Variants in AHNAK2 observed in about 807,000 individuals in gnomAD.
AHNAK2 encodes the protein AHNAK nucleoprotein 2, also known as protein AHNAK2.
Under a neutral mutation model 30.7 loss-of-function variants are expected in AHNAK2, and 18 were observed. The observed-to-expected ratio is 0.59, with a 90% CI of 0.41 to 0.87. The LOEUF (loss-of-function observed/expected upper bound fraction) is 0.87. AHNAK2 is among the 40% of genes least tolerant of loss of function. AHNAK2 has a pLI of 0.00. For synonymous variants in AHNAK2, 3,590 were observed against 3,073.8 expected (o/e 1.17, Z -5.56); for missense variants, 8,604 against 7,373.0 (o/e 1.17, Z -6.11).
intron 1 of AHNAK2, among the ~76,000 whole-genome samples, chr14:104,958,515 A>C (rs1391454770): frequency 6.6e-6 from 1 of 152,216 alleles, no homozygotes; most frequent in African/African-American, 2.4e-5. Flanking sequence ...AATGGAAAAT[A>C]TGTTAACAAT....
chr14:104,942,441 A>C lies in AHNAK2; in HGVS notation c.13010T>G (p.Met4337Arg). 1 of 1,612,856 alleles carries C rather than the reference A, an allele frequency of 6.2e-7. No homozygotes were observed. The highest frequency in any genetic ancestry group is 1.3e-5 in the African/African-American group (1 of 74,722). Residue 4337 changes from methionine to arginine, a missense_variant, in exon 7 of 7, where the codon ATG becomes AGG. Coordinates refer to ENST00000333244, the MANE Select transcript of AHNAK2 (RefSeq NM_138420.4). The part of the protein sequence containing the change: ...KVEADVSLPS[M>R]QGDLKTTHLS... ...GTGAGTGGTCTTCAGGTCCCCCTGC[A>C]TGGAGGGGAGGCTCACGTCAGCCTC...
intron 1 of AHNAK2, among the ~76,000 whole-genome samples, chr14:104,971,938 C>T (rs556812599): frequency 6.6e-6 from 1 of 152,262 alleles, no homozygotes; most frequent in Admixed American, 6.5e-5. Flanking sequence ...AGCGATGGAA[C>T]GGCTTGCACC....
rs755717139 is a variant in AHNAK2, at chr14:104,945,988, C to A, written c.9463G>T (p.Val3155Leu). The A allele has an allele frequency of 7.1e-6, 9 of 1,274,414 alleles. 2 individuals are homozygous for A. Among genetic ancestry groups the A allele is most frequent in the East Asian group, 2.3e-5 (1 of 44,268 alleles). The allele number at this position is 1,274,414 out of a possible 1,614,324, so 78.9% of individuals were successfully genotyped here. ...MPKFKMPSFGVSAPGKSIEVL... is the reference protein window; with the variant it reads ...MPKFKMPSFGLSAPGKSIEVL... ...TCAATGGACTTGCCTGGGGCAGACA[C>A]CCCGAACGACGGCATCTTGAACTTG... Residue 3155 changes from valine to leucine, a missense_variant, in exon 7 of 7, where the codon GTG (valine) becomes TTG (leucine). Physicochemically the swap from Val to Leu is conservative, Grantham distance 32. Transcript: ENST00000333244.
At position 104,944,970 on chromosome 14, in the gene AHNAK2, G is replaced by A. The variant is rs377678493; in HGVS notation, c.10481C>T (p.Ala3494Val). 26 of 1,612,986 alleles carry A rather than the reference G, an allele frequency of 1.6e-5. No individual in the cohort carries two copies. Among genetic ancestry groups the A allele is most frequent in the Admixed American group, 1.0e-4 (6 of 59,946 alleles). ...CTTCGGCGCAGACACATCCAGCGAG[G>A]CCTCGATGGACCTGCCTGGGGCCGA... ...GVSAPGRSIE[A>V]SLDVSAPKVE... Residue 3494 changes from alanine (A) to valine (V), a missense_variant, in exon 7 of 7, where the codon GCC becomes GTC. Coordinates refer to ENST00000333244, the MANE Select transcript of AHNAK2 (RefSeq NM_138420.4).
Position 104,944,027 on chromosome 14 carries a change from G to A in AHNAK2, c.11424C>T (p.Phe3808=). The A allele has an allele frequency of 6.2e-7, 1 of 1,613,062 alleles. No homozygotes were observed. Among genetic ancestry groups the A allele is most frequent in the Non-Finnish European group, 8.5e-7 (1 of 1,179,586 alleles). The change falls in exon 7 of 7, where the codon TTC becomes TTT. Residue 3808 remains phenylalanine, a synonymous_variant. Transcript: ENST00000333244. The part of the protein sequence containing the change: ...AKDSKFKMPK[F]KMPSFGVSAP... The stretch of plus-strand genomic sequence containing the variant: ...CAGACACCCCAAATGACGGCATCTT[G>A]AACTTGGGCATTTTGAATTTGCTGT...
chr14:104,953,313 G>C lies in AHNAK2; in HGVS notation c.2138C>G (p.Ser713Cys). 2 of 1,612,802 alleles carry C rather than the reference G, an allele frequency of 1.2e-6. No homozygotes were observed. Among genetic ancestry groups the C allele is most frequent in the Non-Finnish European group, 1.7e-6 (2 of 1,179,636 alleles). Reference sequence around the variant, plus strand: ...AGTGGTCTTGAGGTCCCCCTGCATGGAGAGGAGGCTCACGTCGGCCTCCAC... The same window carrying C: ...AGTGGTCTTGAGGTCCCCCTGCATGCAGAGGAGGCTCACGTCGGCCTCCAC... ...PKVEADVSLL[S>C]MQGDLKTTDL... Residue 713 changes from serine (S) to cysteine (C), a missense_variant, in exon 7 of 7, where the codon TCC (serine) becomes TGC (cysteine). By Grantham distance (112) the Ser-to-Cys change is moderately radical. Transcript: ENST00000333244.
In AHNAK2 at chr14:104,942,241, T is replaced by C. The variant is rs560796945; in HGVS notation, c.13210A>G (p.Asn4404Asp). ...VDLKGPQIDV[N>D]VPKLDLKGPK... ...CCTTTCAGGTCCAGCTTGGGGACAT[T>C]AACGTCTATCTGGGGACCCTTGAGG... Residue 4404 changes from asparagine (N) to aspartate (D), a missense_variant, in exon 7 of 7, where the codon AAT becomes GAT. By Grantham distance (23) the Asn-to-Asp change is conservative. Coordinates refer to ENST00000333244, the MANE Select transcript of AHNAK2 (RefSeq NM_138420.4). 17 of 1,612,390 alleles carry C rather than the reference T, an allele frequency of 1.1e-5. No homozygotes were observed. The East Asian group carries it at 3.6e-4, about 34-fold the overall frequency.
intron 1 of AHNAK2, among the ~76,000 whole-genome samples, chr14:104,965,543 T>C (rs1899279540): frequency 6.6e-6 from 1 of 152,210 alleles, no homozygotes; most frequent in Admixed American, 6.5e-5. Context: ...GTACCAATCT[T>C]ACGCCAACTC....
rs376708808 is a variant in AHNAK2 at position 104,954,608 on chromosome 14, C to A, written c.843G>T (p.Ser281=). ...RGPGPQRSHS[S]SEAYEPRDAH... Reference sequence around the variant, plus strand: ...CGTCCCTAGGTTCGTAGGCCTCTGACGAGCTGTGTGACCTCTGGGGTCCCG... The same window carrying A: ...CGTCCCTAGGTTCGTAGGCCTCTGAAGAGCTGTGTGACCTCTGGGGTCCCG... The change falls in exon 7 of 7, where the codon TCG becomes TCT. Residue 281 remains serine, a synonymous_variant. Transcript: ENST00000333244. This position sits in a 1 kb window ranked among gnomAD's most constrained non-coding sequence, Gnocchi z 4.3. The A allele has an allele frequency of 3.2e-5, 52 of 1,611,482 alleles. No individual in the cohort carries two copies. Among genetic ancestry groups the A allele is most frequent in the Non-Finnish European group, 4.1e-5 (48 of 1,179,264 alleles).
intron 1 of AHNAK2, among the ~76,000 whole-genome samples, chr14:104,972,488 C>A (rs983312739): frequency 2.0e-5 from 3 of 152,202 alleles, no homozygotes; most frequent in African/African-American, 7.2e-5. Context: ...ATGCCAGACA[C>A]AGCACTGACC....
rs758668704 is a variant in AHNAK2 at position 104,941,311 on chromosome 14, T to C, written c.14140A>G (p.Thr4714Ala). 57 of 1,613,588 alleles carry C rather than the reference T, an allele frequency of 3.5e-5. No individual in the cohort carries two copies. The Middle Eastern group carries it at 8.2e-4, about 23-fold the overall frequency. The change falls in exon 7 of 7, where the codon ACC (threonine) becomes GCC (alanine). Residue 4714 changes from threonine to alanine, a missense_variant. By Grantham distance (58) the Thr-to-Ala change is moderately conservative. Coordinates refer to ENST00000333244, the MANE Select transcript of AHNAK2 (RefSeq NM_138420.4). ...FKVPKVSFSS[T>A]KTPKDSLVPG... ...ACTAAACTATCTTTAGGAGTTTTGGTAGAAGAAAATGAAACTTTGGGCACT... is the reference window on the plus strand; with the variant it reads ...ACTAAACTATCTTTAGGAGTTTTGGCAGAAGAAAATGAAACTTTGGGCACT...
Position 104,945,686 on chromosome 14 carries a change from C to G in AHNAK2, c.9765G>C (p.Leu3255=), listed in dbSNP as rs374050384. Residue 3255 remains leucine (L), a synonymous_variant, in exon 7 of 7, where the codon CTG becomes CTC. Coordinates refer to ENST00000333244, the MANE Select transcript of AHNAK2 (RefSeq NM_138420.4). The part of the protein sequence containing the change: ...QIDIKGPKLD[L]KGPKMDVTAP... ...CCGTCACATCCATCTTCGGGCCTTT[C>G]AGGTCCAGCTTGGGGCCCTTGATGT... 2.8e-5 allele frequency: 45 copies of G among 1,593,744 alleles called. No homozygotes were observed. The Admixed American group carries it at 6.0e-4, about 21-fold the overall frequency.
rs1190581415 is a variant in AHNAK2 at position 104,945,017 on chromosome 14, G to A, written c.10434C>T (p.Phe3478=). Residue 3478 remains phenylalanine, a synonymous_variant, in exon 7 of 7, where the codon TTC becomes TTT. Transcript: ENST00000333244. ...AKDSKFKMPK[F]KMPSFGVSAP... ...CCGACACCCCGAAGGAGGGCATCTT[G>A]AACTTGGGCATTTTGAACTTGCTGT... The A allele has an allele frequency of 3.7e-6, 6 of 1,603,106 alleles. No homozygotes were observed. The African/African-American group carries it at 4.0e-5, about 11-fold the overall frequency.
chr14:104,938,913 G>A lies in AHNAK2; in HGVS notation c.16538C>T (p.Thr5513Ile). ...TAATAAGGAAAATCCGTACGAAGGT[G>A]TTTGAATCTCTGACGTGGGGATCTC... The part of the protein sequence containing the change: ...ESEIPTSEIQ[T>I]PSYGFSLLKV... The change falls in exon 7 of 7, where the codon ACA becomes ATA. Residue 5513 changes from threonine to isoleucine, a missense_variant. Coordinates refer to ENST00000333244, the MANE Select transcript of AHNAK2 (RefSeq NM_138420.4). 1 of 1,613,676 alleles carries A rather than the reference G, an allele frequency of 6.2e-7. No individual in the cohort carries two copies. Among genetic ancestry groups the A allele is most frequent in the Non-Finnish European group, 8.5e-7 (1 of 1,179,876 alleles).
rs373982963 is a variant in AHNAK2, at chr14:104,945,630, A to G, written c.9821T>C (p.Met3274Thr). 13 of 1,571,920 alleles carry G rather than the reference A, an allele frequency of 8.3e-6. No individual in the cohort carries two copies. The African/African-American group carries it at 1.4e-4, about 17-fold the overall frequency. ...TCCTGGGGCCTCGACGTCCACCTCC[A>G]TGCTGGGCTGAGACACCTCCACGTC... is the stretch of plus-strand genomic sequence containing the variant. Reference protein sequence around the residue: ...APDVEVSQPSMEVDVEAPGAK... With the variant: ...APDVEVSQPSTEVDVEAPGAK... The change falls in exon 7 of 7, where the codon ATG becomes ACG. Residue 3274 changes from methionine (M) to threonine (T), a missense_variant. By Grantham distance (81) the Met-to-Thr change is moderately conservative. Transcript: ENST00000333244.
chr14:104,963,181 G>C (rs1187875838), intron 1 of AHNAK2, among the ~76,000 whole-genome samples: 1 of 152,208 alleles, frequency 6.6e-6, no homozygotes, highest in Non-Finnish European at 1.5e-5. Context: ...TTTCACAAAA[G>C]AAGATGTACG....
chr14:104,943,990 A>G lies in AHNAK2; in HGVS notation c.11461T>C (p.Ser3821Pro). The change falls in exon 7 of 7, where the codon TCC becomes CCC. Residue 3821 changes from serine to proline, a missense_variant. Physicochemically the swap from Ser to Pro is moderately conservative, Grantham distance 74. Coordinates refer to ENST00000333244, the MANE Select transcript of AHNAK2 (RefSeq NM_138420.4). ...PSFGVSAPGK[S>P]IEASVHVSAP... Reference sequence around the variant, plus strand: ...GACACGTGCACCGAGGCCTCAATGGACTTGCCTGGGGCAGACACCCCAAAT... The same window carrying G: ...GACACGTGCACCGAGGCCTCAATGGGCTTGCCTGGGGCAGACACCCCAAAT... 6.2e-7 allele frequency: 1 copy of G among 1,612,346 alleles called. No homozygotes were observed. The highest frequency in any genetic ancestry group is 1.1e-5 in the South Asian group (1 of 91,034).
In AHNAK2 at chr14:104,949,031, G is replaced by C; in HGVS notation, c.6420C>G (p.Thr2140=). The C allele has an allele frequency of 9.2e-7, 1 of 1,091,104 alleles. No individual in the cohort carries two copies. Among genetic ancestry groups the C allele is most frequent in the African/African-American group, 1.4e-5 (1 of 70,402 alleles). 67.6% of individuals were successfully genotyped at this position (1,091,104 alleles called of 1,614,324 possible). A position where few individuals can be genotyped will look rare whatever the true frequency, so the allele number is the denominator to read the frequency against. Residue 2140 remains threonine, a synonymous_variant, in exon 7 of 7, where the codon ACC becomes ACG. Coordinates refer to ENST00000333244, the MANE Select transcript of AHNAK2 (RefSeq NM_138420.4). ...LDSAHLQGDL[T]LANKDLTTKD... Reference sequence around the variant, plus strand: ...TGGTAGTCAGGTCCTTGTTGGCCAGGGTCAGGTCCCCCTGCAGATGCGCAC... The same window carrying C: ...TGGTAGTCAGGTCCTTGTTGGCCAGCGTCAGGTCCCCCTGCAGATGCGCAC...
rs1459113977 is a variant in AHNAK2, at chr14:104,944,807, C to T, written c.10644G>A (p.Glu3548=). The T allele has an allele frequency of 3.7e-6, 6 of 1,612,796 alleles. No homozygotes were observed. Residue 3548 remains glutamate (E), a synonymous_variant, in exon 7 of 7, where the codon GAG becomes GAA. Transcript: ENST00000333244. ...DVELLEGPVP[E]GAGLKGHLPK... ...GCAGGTGCCCTTTGAGGCCGGCTCC[C>T]TCGGGCACGGGGCCCTCCAGGAGTT... is the stretch of plus-strand genomic sequence containing the variant.
Sources: gnomAD v4.1 joint callset for allele counts (sites outside exome capture counted in the v4.1 genomes callset) on GRCh38, gnomAD v4.1.1 for gene constraint, Gnocchi (gnomAD v3.1) non-coding constraint, MANE v1.5 for transcripts, NCBI Gene and HGNC (gene_info 2026-07-23, HGNC 2026-07-21) for gene names.